The following C16orf95 variants were observed in gnomAD, a reference collection of about 807,000 sequenced individuals.
C16orf95 encodes chromosome 16 open reading frame 95, also known as uncharacterized protein C16orf95.
In C16orf95, 41 loss-of-function variants were observed where a neutral mutation model predicts 32.1. The ratio of observed to expected loss-of-function variants is 1.28; its 90% CI spans 1.00 to 1.66. The LOEUF is 1.66. C16orf95 is among the 40% of genes most tolerant of loss of function. The pLI is 0.00. For missense variants in C16orf95, 399 were observed against 325.9 expected (o/e 1.22, Z -1.73); for synonymous variants, 147 against 128.9 (o/e 1.14, Z -0.95).
rs1910833726 is a variant in C16orf95 at position 87,303,011 on chromosome 16, G to A, written c.*46C>T. 1 of 1,531,402 alleles carries A rather than the reference G, an allele frequency of 6.5e-7. No homozygotes were observed. The allele number at this position is 1,531,402 out of a possible 1,614,324, so 94.9% of individuals were successfully genotyped here. On this transcript the variant is annotated 3_prime_UTR_variant, in exon 7 of 7. Coordinates refer to ENST00000567970, the MANE Select transcript of C16orf95 (RefSeq NM_001195124.3). ...GTGGACTCTCAAAGATCTTGATCGT[G>A]ACACATTTTTGTGGCTGTTCTTGAC...
intron 5 of C16orf95, among the ~76,000 whole-genome samples, chr16:87,309,034 AT>A (rs1310588085): frequency 2.6e-5 from 4 of 152,206 alleles, no homozygotes; most frequent in African/African-American, 9.7e-5. Context: ...ACATCGCCTC[AT>A]CCCTTCTTAA....
chr16:87,306,565 G>A (rs536674116), intron 5 of C16orf95, among the ~76,000 whole-genome samples: 36 of 152,078 alleles, frequency 2.4e-4, no homozygotes, highest in African/African-American at 8.0e-4. Context: ...AAAACATAGA[G>A]GAGAAAAGCA....
intron 6 of C16orf95, among the ~76,000 whole-genome samples, chr16:87,304,290 T>C (rs930243069): frequency 4.9e-5 from 3 of 60,974 alleles, no homozygotes; most frequent in African/African-American, 1.6e-4. Flanking sequence ...GATCCAGGTG[T>C]AGGCCACCAC....
Position 87,317,357 on chromosome 16 carries a change from A to T in C16orf95, c.-115T>A. ...AGGAACCCAACCCGAGCTCAACCCC[A>T]GCCCCAACCTCAACCGCTCAGAGGA... On this transcript the variant is annotated 5_prime_UTR_variant, in exon 1 of 7. Coordinates refer to ENST00000567970, the MANE Select transcript of C16orf95 (RefSeq NM_001195124.3). 7.1e-7 allele frequency: 1 copy of T among 1,414,282 alleles called. No homozygotes were observed. Among genetic ancestry groups the T allele is most frequent in the South Asian group, 1.5e-5 (1 of 66,270 alleles). 87.6% of individuals were successfully genotyped at this position (1,414,282 alleles called of 1,614,324 possible).
In C16orf95 at chr16:87,317,300, C is replaced by T; in HGVS notation, c.-58G>A. 6.9e-7 allele frequency: 1 copy of T among 1,455,418 alleles called. No individual in the cohort carries two copies. The highest frequency in any genetic ancestry group is 9.1e-7 in the Non-Finnish European group (1 of 1,102,656). 90.2% of individuals were successfully genotyped at this position (1,455,418 alleles called of 1,614,324 possible). On this transcript the variant is annotated 5_prime_UTR_variant, in exon 1 of 7. Transcript: ENST00000567970. ...CACACATCGTCCGCAGGCCCTGACG[C>T]CCTGGCTCCCGCCTTTCCCTCCTGC...
At chr16:87,314,853 T>C (rs1047659324) in intron 3 of C16orf95, 118 bp downstream of exon 3, 2 of 919,678 alleles carry the variant, frequency 2.2e-6, no homozygotes, top group African/African-American at 3.3e-5. Context: ...AATATCAAAC[T>C]GTCTCCCTGA....
chr16:87,308,463 T>C (rs1911123352), intron 5 of C16orf95, among the ~76,000 whole-genome samples: 1 of 150,658 alleles, frequency 6.6e-6, no homozygotes, highest in East Asian at 1.9e-4. Flanking sequence ...GGTGACAAAG[T>C]GAGACTGCAT....
rs371560502 is a variant in C16orf95, at chr16:87,307,146, G to T, written c.515-1241C>A. Among the ~76,000 whole-genome samples the T allele has an allele frequency of 5.9e-5, 9 of 152,160 alleles. No individual in the cohort carries two copies. The East Asian group carries it at 1.7e-3, about 29-fold the overall frequency. ...TTACTCATTCATAGATTCCATCAAG[G>T]CAAACTCACTACAAAGAGTTGGTGC... is the stretch of plus-strand genomic sequence containing the variant. On this transcript the variant is annotated intron_variant, in intron 5 of 6. Coordinates refer to ENST00000567970, the MANE Select transcript of C16orf95 (RefSeq NM_001195124.3).
intron 5 of C16orf95, among the ~76,000 whole-genome samples, chr16:87,308,083 G>A (rs955820128): frequency 6.6e-6 from 1 of 152,218 alleles, no homozygotes. Flanking sequence ...GGTTTGACAA[G>A]AGGAATGAGC....
chr16:87,314,289 A>G (rs928273029), intron 3 of C16orf95, among the ~76,000 whole-genome samples: 11 of 152,232 alleles, frequency 7.2e-5, no homozygotes, highest in African/African-American at 2.7e-4. Context: ...GCGAATGAAT[A>G]AACTGTGGCC....
At chr16:87,306,154 G>A (rs575718772) in intron 5 of C16orf95, 27 of 365,304 alleles carry the variant, frequency 7.4e-5, no homozygotes, top group East Asian at 1.7e-4. Flanking sequence ...AACAGCATAT[G>A]GAACATGTGC....
chr16:87,311,043 G>T, intron 4 of C16orf95, 107 bp downstream of exon 4: 2 of 1,120,056 alleles, frequency 1.8e-6, no homozygotes, highest in Non-Finnish European at 2.4e-6. Flanking sequence ...AGGCCTTTGT[G>T]GGAGCAGAGC....
chr16:87,309,811 A>AAATATATGAATGTATGAGCAC (rs1911200132), intron 5 of C16orf95, among the ~76,000 whole-genome samples: 2 of 152,238 alleles, frequency 1.3e-5, no homozygotes, highest in East Asian at 3.8e-4. Context: ...ACTAGGTCAC[A>AAATATATGAATGTATGAGCAC]AATATATGAA....
rs747324516 is a variant in C16orf95 at position 87,305,915 on chromosome 16, GA to G, written c.515-11del. On this transcript the variant is annotated splice_polypyrimidine_tract_variant and intron_variant, in intron 5 of 6. Transcript: ENST00000567970. This position sits in a 1 kb window ranked among gnomAD's most constrained non-coding sequence, Gnocchi z 4.2. ...GCATCCAGCAGGGGTGCTAGGCAAA[GA>G]AAAGGTGGGTTGAGGACAGGGCGTG... 4.9e-5 allele frequency: 69 copies of G among 1,409,892 alleles called. No individual in the cohort carries two copies. The highest frequency in any genetic ancestry group is 6.4e-5 in the Non-Finnish European group (69 of 1,086,354). 87.3% of individuals were successfully genotyped at this position (1,409,892 alleles called of 1,614,324 possible).
Position 87,317,359 on chromosome 16 carries a change from C to T in C16orf95, c.-117G>A. The T allele has an allele frequency of 7.1e-7, 1 of 1,417,742 alleles. No individual in the cohort carries two copies. The highest frequency in any genetic ancestry group is 1.5e-5 in the African/African-American group (1 of 68,918). The allele number at this position is 1,417,742 out of a possible 1,614,324, so 87.8% of individuals were successfully genotyped here. A position where few individuals can be genotyped will look rare whatever the true frequency, so the allele number is the denominator to read the frequency against. ...GAACCCAACCCGAGCTCAACCCCAG[C>T]CCCAACCTCAACCGCTCAGAGGAGC... On this transcript the variant is annotated 5_prime_UTR_variant, in exon 1 of 7. Transcript: ENST00000567970.
At chr16:87,313,772 T>C (rs533687196) in intron 3 of C16orf95, among the ~76,000 whole-genome samples, 10 of 152,218 alleles carry the variant, frequency 6.6e-5, no homozygotes, top group African/African-American at 2.2e-4. Context: ...CATTTACAAA[T>C]TGAATCTCGG....
intron 6 of C16orf95, among the ~76,000 whole-genome samples, chr16:87,304,372 T>A (rs1433305278): frequency 5.9e-5 from 9 of 151,350 alleles, no homozygotes. Flanking sequence ...CCTCTAAGGC[T>A]GGGATCCAGG....
chr16:87,313,186 T>C (rs116684875), intron 3 of C16orf95, among the ~76,000 whole-genome samples: 3,520 of 112,554 alleles, frequency 0.031, 135 homozygotes, highest in African/African-American at 0.1. Context: ...AAAATTCACA[T>C]GGAAATTAAA....
At chr16:87,311,008 G>C (rs1047264305) in intron 4 of C16orf95, 142 bp downstream of exon 4, 39 of 813,058 alleles carry the variant, frequency 4.8e-5, no homozygotes, top group Non-Finnish European at 6.9e-5. Flanking sequence ...ACAGCTGCCA[G>C]GGGATCTTCT....
Sources: gnomAD v4.1 joint callset for allele counts (sites outside exome capture counted in the v4.1 genomes callset) on GRCh38, gnomAD v4.1.1 for gene constraint, Gnocchi (gnomAD v3.1) non-coding constraint, MANE v1.5 for transcripts, NCBI Gene and HGNC (gene_info 2026-07-23, HGNC 2026-07-21) for gene names.